Variants in SNRPF observed in about 807,000 individuals in gnomAD.
The protein encoded by SNRPF is small nuclear ribonucleoprotein F.
SNRPF carries 1 observed loss-of-function variant against 13.4 expected under a neutral mutation model. The observed-to-expected ratio is 0.07, with a 90% confidence interval of 0.03 to 0.35. SNRPF has a LOEUF of 0.35. Ranked by LOEUF, SNRPF falls within the 10% of genes least tolerant of loss-of-function variation. The pLI, the probability that SNRPF is intolerant of heterozygous loss-of-function variation, is 0.99. For missense variants in SNRPF, 53 were observed against 101.0 expected (o/e 0.52, Z 2.04); for synonymous variants, 27 against 32.1 (o/e 0.84, Z 0.54).
intron 3 of SNRPF, 138 bp downstream of exon 3, chr12:95,865,526 G>A: frequency 2.3e-6 from 1 of 429,542 alleles, no homozygotes; most frequent in Non-Finnish European, 4.1e-6. Flanking sequence ...TTAGACTTCA[G>A]AAGTCTTTGA....
rs1215435486 is a variant in SNRPF at position 95,865,393 on chromosome 12, C to G, written c.194+5C>G. 3 of 1,427,442 alleles carry G rather than the reference C, an allele frequency of 2.1e-6. No homozygotes were observed. The highest frequency in any genetic ancestry group is 3.4e-5 in the Admixed American group (2 of 59,610). The allele number at this position is 1,427,442 out of a possible 1,614,324, so 88.4% of individuals were successfully genotyped here. A position where few individuals can be genotyped will look rare whatever the true frequency, so the allele number is the denominator to read the frequency against. ...TCTGGGTGAAGTTTTAATAAGGTAA[C>G]AAACAGCAGTAGTATATGTAAGGAG... On this transcript the variant is annotated splice_donor_5th_base_variant and intron_variant, in intron 3 of 3. Transcript: ENST00000266735.
chr12:95,864,899 T>C (rs1024373877), intron 2 of SNRPF, among the ~76,000 whole-genome samples: 6 of 152,240 alleles, frequency 3.9e-5, no homozygotes, highest in Admixed American at 3.9e-4. Context: ...AGACCCTGTT[T>C]CTTAAAAGAC....
chr12:95,865,318 T>C lies in SNRPF; in HGVS notation c.130-6T>C. On this transcript the variant is annotated splice_region_variant and splice_polypyrimidine_tract_variant and intron_variant, in intron 2 of 3. Transcript: ENST00000266735. ...ATTATACTAATATATTTCTTTTTATTGAAAGCTTGCAAATACAGAAGAATA... is the reference window on the plus strand; with the variant it reads ...ATTATACTAATATATTTCTTTTTATCGAAAGCTTGCAAATACAGAAGAATA... 6.9e-7 allele frequency: 1 copy of C among 1,458,218 alleles called. No homozygotes were observed. The allele number at this position is 1,458,218 out of a possible 1,614,324, so 90.3% of individuals were successfully genotyped here. A position where few individuals can be genotyped will look rare whatever the true frequency, so the allele number is the denominator to read the frequency against.
chr12:95,860,850 CG>C (rs1421694690), intron 1 of SNRPF, among the ~76,000 whole-genome samples: 2 of 74,734 alleles, frequency 2.7e-5, no homozygotes, highest in Non-Finnish European at 5.8e-5. Flanking sequence ...CTACCTGGCC[CG>C]CTTTTTTTTT....
Position 95,858,978 on chromosome 12 carries a change from C to G in SNRPF, c.-96C>G. The G allele has an allele frequency of 6.3e-7, 1 of 1,580,558 alleles. No homozygotes were observed. The highest frequency in any genetic ancestry group is 1.9e-5 in the Admixed American group (1 of 53,732). ...TGTTTGGCGGCCATTTCTCTTGAAACTGCGGCTCGGGACCTGCGGTACCTG... is the reference window on the plus strand; with the variant it reads ...TGTTTGGCGGCCATTTCTCTTGAAAGTGCGGCTCGGGACCTGCGGTACCTG... On this transcript the variant is annotated 5_prime_UTR_variant, in exon 1 of 4. Transcript: ENST00000266735.
chr12:95,859,284 T>C (rs1764299452), intron 1 of SNRPF, among the ~76,000 whole-genome samples: 1 of 152,138 alleles, frequency 6.6e-6, no homozygotes, highest in Non-Finnish European at 1.5e-5. Flanking sequence ...GCCCGTGCCT[T>C]CTTCTCTTTG....
Position 95,865,368 on chromosome 12 carries a change from T to G in SNRPF, c.174T>G (p.His58Gln). Residue 58 changes from histidine (H) to glutamine (Q), a missense_variant, in exon 3 of 4, where the codon CAT becomes CAG. By Grantham distance (24) the His-to-Gln change is conservative (BLOSUM62 0). Coordinates refer to ENST00000266735, the MANE Select transcript of SNRPF (RefSeq NM_003095.5). ...ACATAGATGGAGCTTTGTCTGGACA[T>G]CTGGGTGAAGTTTTAATAAGGTAAC... The part of the protein sequence containing the change: ...EEYIDGALSG[H>Q]LGEVLIRCNN... 1 of 1,568,526 alleles carries G rather than the reference T, an allele frequency of 6.4e-7. No homozygotes were observed. The highest frequency in any genetic ancestry group is 8.8e-7 in the Non-Finnish European group (1 of 1,139,572).
chr12:95,859,554 A>T (rs1278130742), intron 1 of SNRPF, among the ~76,000 whole-genome samples: 2 of 152,240 alleles, frequency 1.3e-5, no homozygotes, highest in African/African-American at 4.8e-5. Flanking sequence ...TAGACATTAG[A>T]GGCTTAGTCA....
chr12:95,862,962 T>A (rs1021434610), intron 2 of SNRPF, among the ~76,000 whole-genome samples: 1 of 152,220 alleles, frequency 6.6e-6, no homozygotes, highest in African/African-American at 2.4e-5. Context: ...GAGAAATGCC[T>A]GTTCATGTCT....
At chr12:95,864,664 G>T (rs1565937363) in intron 2 of SNRPF, among the ~76,000 whole-genome samples, 1 of 152,242 alleles carries the variant, frequency 6.6e-6, no homozygotes, top group Non-Finnish European at 1.5e-5. Context: ...CAGCACTTTG[G>T]GAGGCCAAGG....
chr12:95,865,877 TAAAAAATTTTTTTAAAGACAAG>T (rs2079518992), intron 3 of SNRPF, 106 bp from the exon 4 acceptor site: 2 of 399,108 alleles, frequency 5.0e-6, no homozygotes, highest in Non-Finnish European at 9.0e-6. Flanking sequence ...TGAATATATT[TAAAAAATTTTTTTAAAGACAAG>T]AATATTATAA....
At chr12:95,865,248 T>C (rs2079515145) in intron 2 of SNRPF, 76 bp from the exon 3 acceptor site, 1 of 680,302 alleles carries the variant, frequency 1.5e-6, no homozygotes, top group South Asian at 2.1e-5. Context: ...GTTAATGAGT[T>C]CTCTCACCAA....
At position 95,859,204 on chromosome 12, in the gene SNRPF, A is replaced by G. The variant is rs561437341; in HGVS notation, c.3+128A>G. ...GTGAGGCGCCGCGCACCCTGTCGCC[A>G]GCTCCTTTCACTCTGCTTTTAGGTT... On this transcript the variant is annotated intron_variant, in intron 1 of 3. Coordinates refer to ENST00000266735, the MANE Select transcript of SNRPF (RefSeq NM_003095.5). 3.6e-5 allele frequency: 28 copies of G among 786,100 alleles called. No individual in the cohort carries two copies. In the South Asian group the frequency reaches 3.9e-4, roughly 11 times the overall value. 48.7% of individuals were successfully genotyped at this position (786,100 alleles called of 1,614,324 possible).
At chr12:95,862,256 C>T (rs1049752993) in intron 2 of SNRPF, among the ~76,000 whole-genome samples, 1 of 152,020 alleles carries the variant, frequency 6.6e-6, no homozygotes, top group African/African-American at 2.4e-5. Context: ...CATTCTAATC[C>T]ATTTGCCTCT....
intron 2 of SNRPF, chr12:95,861,551 C>CT: frequency 3.7e-6 from 1 of 272,334 alleles, no homozygotes; most frequent in Non-Finnish European, 7.0e-6. Context: ...CATAATAATA[C>CT]CATAAGGGAA....
chr12:95,860,930 T>C (rs1330901336), intron 1 of SNRPF, among the ~76,000 whole-genome samples: 3 of 148,924 alleles, frequency 2.0e-5, no homozygotes, highest in Non-Finnish European at 3.0e-5. Flanking sequence ...AGGTAGTCAG[T>C]GTATCTTAAG....
In SNRPF at chr12:95,859,054, A is replaced by T; in HGVS notation, c.-20A>T. 6.2e-7 allele frequency: 1 copy of T among 1,613,022 alleles called. No homozygotes were observed. Among genetic ancestry groups the T allele is most frequent in the East Asian group, 2.2e-5 (1 of 44,824 alleles). On this transcript the variant is annotated 5_prime_UTR_variant, in exon 1 of 4. Coordinates refer to ENST00000266735, the MANE Select transcript of SNRPF (RefSeq NM_003095.5). ...GCCTGGTCGGCAGAGAGTAGCCTGC[A>T]ACATTCGGCCGTGGTTACGATGGTA...
chr12:95,862,530 T>G (rs1225567669), intron 2 of SNRPF, among the ~76,000 whole-genome samples: 1 of 152,094 alleles, frequency 6.6e-6, no homozygotes, highest in Admixed American at 6.5e-5. Context: ...CTGGGCAACA[T>G]AGTGAAACTG....
intron 1 of SNRPF, among the ~76,000 whole-genome samples, chr12:95,860,030 A>G (rs1179853795): frequency 6.6e-6 from 1 of 152,204 alleles, no homozygotes; most frequent in Non-Finnish European, 1.5e-5. Flanking sequence ...TTAGTAGCCA[A>G]GTTTCTTAGT....
Sources: gnomAD v4.1 joint callset for allele counts (sites outside exome capture counted in the v4.1 genomes callset) on GRCh38, gnomAD v4.1.1 for gene constraint, MANE v1.5 for transcripts, NCBI Gene and HGNC (gene_info 2026-07-23, HGNC 2026-07-21) for gene names.